POC1B: variants seen among roughly 807,000 people sequenced by gnomAD.
POC1B encodes the protein POC1 centriolar protein homolog B.
In POC1B, 44 loss-of-function variants were observed where a neutral mutation model predicts 60.6. That is an observed-to-expected ratio of 0.73 (90% CI 0.57 to 0.93). POC1B has a LOEUF of 0.93. Ranked by LOEUF, POC1B falls within the 40% of genes least tolerant of loss-of-function variation. POC1B has a pLI of 0.00. For missense variants in POC1B, 555 were observed against 572.3 expected (o/e 0.97, Z 0.31); for synonymous variants, 180 against 198.9 (o/e 0.90, Z 0.80).
chr12:89,451,496 T>C (rs1220465741), intron 10 of POC1B, among the ~76,000 whole-genome samples: 2 of 121,396 alleles, frequency 1.6e-5, no homozygotes, highest in African/African-American at 3.1e-5. Flanking sequence ...GTTGGTTGGC[T>C]GAAAGCAACA....
chr12:89,501,754 C>T, intron 2 of POC1B: 1 of 922,634 alleles, frequency 1.1e-6, no homozygotes, highest in Non-Finnish European at 1.8e-6. Context: ...AAATGAATTA[C>T]CACTGCATCA....
At chr12:89,445,494 C>T (rs942221407) in intron 10 of POC1B, among the ~76,000 whole-genome samples, 3 of 152,114 alleles carry the variant, frequency 2.0e-5, no homozygotes, top group Non-Finnish European at 2.9e-5. Context: ...CTGACAAAAA[C>T]AAGAAATGGG....
intron 4 of POC1B, among the ~76,000 whole-genome samples, chr12:89,482,397 G>T (rs1868397304): frequency 6.6e-6 from 1 of 151,996 alleles, no homozygotes; most frequent in Admixed American, 6.6e-5. Context: ...AGATGAGAAA[G>T]AAATTAGGGA....
At chr12:89,509,152 G>T (rs1030700763) in intron 2 of POC1B, among the ~76,000 whole-genome samples, 1 of 152,086 alleles carries the variant, frequency 6.6e-6, no homozygotes, top group Non-Finnish European at 1.5e-5. Flanking sequence ...ATTTACTGTT[G>T]TAAGGAAGAA....
At chr12:89,507,099 G>A (rs1018383578) in intron 2 of POC1B, among the ~76,000 whole-genome samples, 5 of 150,922 alleles carry the variant, frequency 3.3e-5, no homozygotes, top group South Asian at 2.1e-4. Flanking sequence ...TCGAAACCCC[G>A]TCTCTACAAA....
chr12:89,486,858 G>A (rs941114406), intron 4 of POC1B, among the ~76,000 whole-genome samples: 2 of 151,720 alleles, frequency 1.3e-5, no homozygotes, highest in Non-Finnish European at 2.9e-5. Context: ...AACAAAAAAG[G>A]AAAAGGCAAT....
chr12:89,432,626 G>A (rs1040013845), intron 10 of POC1B, among the ~76,000 whole-genome samples: 3 of 152,078 alleles, frequency 2.0e-5, no homozygotes, highest in African/African-American at 7.2e-5. Flanking sequence ...TAGGTGACAA[G>A]GGTTAGGAAG....
chr12:89,419,366 T>C (rs1880435872), downstream of POC1B, among the ~76,000 whole-genome samples: 1 of 152,160 alleles, frequency 6.6e-6, no homozygotes, highest in South Asian at 2.1e-4. Flanking sequence ...TTGAGTCTGT[T>C]GAAAAAGTTT....
intron 4 of POC1B, among the ~76,000 whole-genome samples, chr12:89,473,666 G>GAA (rs1163868772): frequency 0.041 from 4,505 of 109,110 alleles, 181 homozygotes; most frequent in Non-Finnish European, 0.058. Flanking sequence ...CCTCAGAAAA[G>GAA]AAAAAAAAAA....
At chr12:89,486,281 A>C (rs1868627717) in intron 4 of POC1B, among the ~76,000 whole-genome samples, 1 of 152,212 alleles carries the variant, frequency 6.6e-6, no homozygotes, top group Non-Finnish European at 1.5e-5. Flanking sequence ...AACAGACCTC[A>C]TAAGAAGGGC....
chr12:89,495,891 A>G (rs1301070162), intron 3 of POC1B, among the ~76,000 whole-genome samples: 1 of 152,020 alleles, frequency 6.6e-6, no homozygotes. Flanking sequence ...CCTCCCGAGT[A>G]GCTGGGATTA....
chr12:89,467,907 C>A (rs1189006352), intron 7 of POC1B, among the ~76,000 whole-genome samples: 1 of 152,074 alleles, frequency 6.6e-6, no homozygotes. Context: ...TAAAAAAATA[C>A]TAAAAATTAA....
intron 10 of POC1B, among the ~76,000 whole-genome samples, chr12:89,449,020 T>C (rs1881923391): frequency 6.6e-6 from 1 of 152,208 alleles, no homozygotes; most frequent in Non-Finnish European, 1.5e-5. Context: ...CAGGTCTCCT[T>C]GGCTACTATA....
chr12:89,470,218 T>C, intron 7 of POC1B, 143 bp downstream of exon 7: 1 of 378,008 alleles, frequency 2.6e-6, no homozygotes, highest in Non-Finnish European at 3.8e-6. Flanking sequence ...AAAACAGCCT[T>C]GGAAGTAAAA....
intron 2 of POC1B, chr12:89,524,818 C>T (rs529808356): frequency 1.6e-4 from 100 of 616,440 alleles, no homozygotes; most frequent in African/African-American, 1.6e-3. Context: ...CCCCACCCTC[C>T]CCGGGCCGAG....
At chr12:89,415,295 A>G (rs1880344282), downstream of POC1B, among the ~76,000 whole-genome samples, 1 of 152,256 alleles carries the variant, frequency 6.6e-6, no homozygotes, top group Admixed American at 6.5e-5. Flanking sequence ...TTCAGTAGTT[A>G]CAGTTGAAAT....
intron 2 of POC1B, among the ~76,000 whole-genome samples, chr12:89,505,767 C>G (rs1331963323): frequency 2.0e-5 from 3 of 152,204 alleles, no homozygotes; most frequent in East Asian, 3.8e-4. Context: ...AAACATCACT[C>G]TAGCTGTTGT....
intron 2 of POC1B, among the ~76,000 whole-genome samples, chr12:89,504,906 A>C (rs1869823858): frequency 6.6e-6 from 1 of 152,176 alleles, no homozygotes; most frequent in African/African-American, 2.4e-5. Context: ...GGAGTTTGAG[A>C]CCAACTTGGG....
chr12:89,426,401 A>C (rs1053488027), intron 10 of POC1B: 2 of 152,268 alleles, frequency 1.3e-5, no homozygotes, highest in African/African-American at 4.8e-5. Context: ...TAAATTTTAC[A>C]TTATGTATAT....
Sources: allele counts gnomAD v4.1 joint callset (sites outside exome capture counted in the v4.1 genomes callset), GRCh38; gene constraint gnomAD v4.1.1; transcripts MANE v1.5; gene names NCBI Gene and HGNC (gene_info 2026-07-23, HGNC 2026-07-21).